The following GRM8 variants were observed in gnomAD, a reference collection of about 807,000 sequenced individuals.
GRM8 encodes glutamate metabotropic receptor 8.
GRM8 carries 47 observed loss-of-function variants against 87.2 expected under a neutral mutation model. That is an observed-to-expected ratio of 0.54 (90% CI 0.43 to 0.69). The LOEUF is 0.69. GRM8 is among the 30% of genes least tolerant of loss of function. The probability of loss-of-function intolerance (pLI) is 0.00; values close to 1 mark genes in which losing one functional copy is unlikely to be tolerated. For synonymous variants in GRM8, 396 were observed against 404.5 expected (o/e 0.98, Z 0.25); for missense variants, 1,019 against 1,139.2 (o/e 0.89, Z 1.52).
At chr7:127,013,251 C>A (rs1186087244) in intron 3 of GRM8, among the ~76,000 whole-genome samples, 2 of 152,158 alleles carry the variant, frequency 1.3e-5, no homozygotes, top group Admixed American at 1.3e-4. Context: ...CCATTCTGGG[C>A]TTCCCAATCC....
At chr7:126,646,642 T>C (rs944959350) in intron 7 of GRM8, among the ~76,000 whole-genome samples, 3 of 152,202 alleles carry the variant, frequency 2.0e-5, no homozygotes, top group Non-Finnish European at 2.9e-5. Flanking sequence ...TAGGTAAGTC[T>C]GAATCCAAGG....
At chr7:127,070,400 C>G (rs1177933837) in intron 3 of GRM8, among the ~76,000 whole-genome samples, 4 of 152,048 alleles carry the variant, frequency 2.6e-5, no homozygotes, top group Non-Finnish European at 5.9e-5. Context: ...TTACTTATAT[C>G]ACAAACACAG....
At chr7:126,467,594 T>G (rs988937804) in intron 9 of GRM8, among the ~76,000 whole-genome samples, 1 of 152,034 alleles carries the variant, frequency 6.6e-6, no homozygotes, top group African/African-American at 2.4e-5. Context: ...ACATCTGTAT[T>G]TATAAGTATA....
intron 3 of GRM8, among the ~76,000 whole-genome samples, chr7:127,061,864 A>C (rs780475030): frequency 3.9e-5 from 6 of 152,164 alleles, no homozygotes; most frequent in Non-Finnish European, 5.9e-5. Flanking sequence ...TATTTTTCAC[A>C]CTATAGGAGA....
At chr7:126,774,044 T>C (rs1305580049) in intron 6 of GRM8, among the ~76,000 whole-genome samples, 1 of 152,150 alleles carries the variant, frequency 6.6e-6, no homozygotes, top group Non-Finnish European at 1.5e-5. Context: ...GAAGTCTGCC[T>C]AGTAACTGGT....
chr7:126,477,881 T>C (rs116393636), intron 9 of GRM8, among the ~76,000 whole-genome samples: 1,970 of 152,258 alleles, frequency 0.013, 41 homozygotes, highest in African/African-American at 0.046. Context: ...TTTTCAAGTC[T>C]GGAGACCAAA....
chr7:127,038,414 A>C, intron 3 of GRM8, among the ~76,000 whole-genome samples: 1 of 152,196 alleles, frequency 6.6e-6, no homozygotes, highest in East Asian at 1.9e-4. Context: ...ACCCTTAAAG[A>C]AAATATAGCA....
chr7:126,455,077 C>A (rs1477414606), intron 9 of GRM8, among the ~76,000 whole-genome samples: 1 of 151,648 alleles, frequency 6.6e-6, no homozygotes, highest in East Asian at 1.9e-4. Context: ...TGTACAATAA[C>A]TACAACCATA....
intron 6 of GRM8, among the ~76,000 whole-genome samples, chr7:126,877,843 A>G (rs1205656693): frequency 6.6e-6 from 1 of 152,218 alleles, no homozygotes; most frequent in Non-Finnish European, 1.5e-5. Flanking sequence ...ATCTTTGAAG[A>G]GTTGATTGAT....
At chr7:127,240,652 G>C (rs1319321605) in intron 2 of GRM8, among the ~76,000 whole-genome samples, 1 of 152,136 alleles carries the variant, frequency 6.6e-6, no homozygotes, top group Non-Finnish European at 1.5e-5. Flanking sequence ...TCCTCTAAAA[G>C]TGATGTTTTT....
chr7:126,848,764 TG>T (rs2130692187), intron 6 of GRM8, among the ~76,000 whole-genome samples: 1 of 152,226 alleles, frequency 6.6e-6, no homozygotes, highest in South Asian at 2.1e-4. Flanking sequence ...GAGGCTGCCA[TG>T]AATCAAGATT....
In GRM8 at chr7:126,523,011, C is replaced by T. The variant is rs961822423; in HGVS notation, c.2430+9941G>A. ...ACTTTTGATGAAATGCCATCATCAG[C>T]TATAAGCTGACACTTAAATTGTGGC... On this transcript the variant is annotated intron_variant, in intron 9 of 10. Coordinates refer to ENST00000339582, the MANE Select transcript of GRM8 (RefSeq NM_000845.3). Among the ~76,000 whole-genome samples the T allele has an allele frequency of 3.9e-5, 6 of 152,210 alleles. 1 individual carries two copies. The highest frequency in any genetic ancestry group is 4.1e-4 in the South Asian group (2 of 4,836).
At chr7:126,930,533 G>A (rs933616435) in intron 3 of GRM8, among the ~76,000 whole-genome samples, 9 of 152,184 alleles carry the variant, frequency 5.9e-5, no homozygotes, top group Non-Finnish European at 1.3e-4. Context: ...CAAGGTTCTA[G>A]ACAAGGGAAA....
At chr7:126,780,691 T>C (rs58629844) in intron 6 of GRM8, among the ~76,000 whole-genome samples, 142,286 of 151,926 alleles carry the variant, frequency 0.94, 66,746 homozygotes, top group African/African-American at 0.98. Flanking sequence ...CAGTGAGGCT[T>C]AGCAGGGGAA....
intron 7 of GRM8, among the ~76,000 whole-genome samples, chr7:126,647,172 C>T (rs970607037): frequency 6.6e-5 from 10 of 152,032 alleles, no homozygotes; most frequent in African/African-American, 2.2e-4. Context: ...GGGAAGATTG[C>T]TTGAGCCCCA....
chr7:126,899,257 T>C (rs1801835809), intron 6 of GRM8, among the ~76,000 whole-genome samples: 1 of 152,154 alleles, frequency 6.6e-6, no homozygotes, highest in South Asian at 2.1e-4. Flanking sequence ...GTGTAAAATA[T>C]ATCTCAGTGG....
intron 3 of GRM8, among the ~76,000 whole-genome samples, chr7:126,916,575 T>A (rs1171397275): frequency 6.6e-6 from 1 of 152,238 alleles, no homozygotes; most frequent in African/African-American, 2.4e-5. Context: ...TGCACTCTTC[T>A]ACTCAGCACC....
intron 7 of GRM8, among the ~76,000 whole-genome samples, chr7:126,751,129 G>C (rs548605267): frequency 1.3e-5 from 2 of 152,136 alleles, no homozygotes; most frequent in African/African-American, 2.4e-5. Context: ...GTTAGCACTT[G>C]TATCAGTCTC....
intron 3 of GRM8, among the ~76,000 whole-genome samples, chr7:127,104,675 G>A (rs1825648577): frequency 6.6e-6 from 1 of 152,152 alleles, no homozygotes; most frequent in Non-Finnish European, 1.5e-5. Context: ...CAGAAGAAAT[G>A]TGTTGCTCTA....
Sources: allele counts gnomAD v4.1 joint callset (sites outside exome capture counted in the v4.1 genomes callset), GRCh38; gene constraint gnomAD v4.1.1; transcripts MANE v1.5; gene names NCBI Gene and HGNC (gene_info 2026-07-23, HGNC 2026-07-21).